The following TRRAP variants were observed in gnomAD, a reference collection of about 807,000 sequenced individuals.
The protein encoded by TRRAP is transformation/transcription domain associated protein.
A neutral mutation model predicts 438.8 loss-of-function variants in TRRAP; 41 were observed. That is an observed-to-expected ratio of 0.09 (90% confidence interval 0.07 to 0.12). TRRAP has a LOEUF of 0.12. TRRAP is among the 10% of genes least tolerant of loss of function. The pLI is 1.00. For missense variants in TRRAP, 3,122 were observed against 5,055.1 expected (o/e 0.62, Z 11.60); for synonymous variants, 1,994 against 1,962.9 (o/e 1.02, Z -0.42).
chr7:98,942,126 G>T (rs1040978949), intron 30 of TRRAP, among the ~76,000 whole-genome samples: 2 of 152,212 alleles, frequency 1.3e-5, no homozygotes, highest in Non-Finnish European at 2.9e-5. Context: ...ACAGAGGCTG[G>T]AGCCTGGCTA....
At chr7:98,895,165 C>T (rs908788281) in intron 6 of TRRAP, among the ~76,000 whole-genome samples, 4 of 152,122 alleles carry the variant, frequency 2.6e-5, no homozygotes, top group South Asian at 4.1e-4. Context: ...CTTGGCCTCC[C>T]GAAGTGTCAG....
intron 31 of TRRAP, among the ~76,000 whole-genome samples, chr7:98,945,498 A>G (rs1791009717): frequency 6.6e-6 from 1 of 152,216 alleles, no homozygotes; most frequent in African/African-American, 2.4e-5. Context: ...CTGAAACCCT[A>G]TTTTGAAAAC....
At chr7:98,951,325 C>CA (rs1229167007) in intron 39 of TRRAP, among the ~76,000 whole-genome samples, 1 of 152,146 alleles carries the variant, frequency 6.6e-6, no homozygotes, top group East Asian at 1.9e-4. Flanking sequence ...TGCCGGTCAG[C>CA]AGAGTTTCTG....
intron 6 of TRRAP, 28 bp from the exon 7 acceptor site, chr7:98,895,736 C>T (rs1796168584): frequency 3.8e-6 from 6 of 1,569,628 alleles, no homozygotes; most frequent in Admixed American, 1.8e-5. Context: ...GAATATCTTC[C>T]TATAACGAAA....
chr7:98,985,355 A>G (rs1793103126), intron 62 of TRRAP, among the ~76,000 whole-genome samples: 1 of 152,200 alleles, frequency 6.6e-6, no homozygotes, highest in African/African-American at 2.4e-5. Context: ...TTTTGTGGAG[A>G]TGATTCCTGC....
At chr7:98,882,935 A>G (rs552572545) in intron 3 of TRRAP, among the ~76,000 whole-genome samples, 1 of 152,376 alleles carries the variant, frequency 6.6e-6, no homozygotes, top group East Asian at 1.9e-4. Context: ...CTGGGATTAC[A>G]GGCATGGGCC....
rs1459103467 is a variant in TRRAP, at chr7:98,983,475, C to T, written c.9022+16C>T. The T allele has an allele frequency of 6.2e-7, 1 of 1,613,750 alleles. No individual in the cohort carries two copies. Among genetic ancestry groups the T allele is most frequent in the Admixed American group, 1.7e-5 (1 of 59,998 alleles). Reference sequence around the variant, plus strand: ...CATTACCAGGGTAAACCGACCTGGTCCGGCATGCATTCATCATGTAATTTT... The same window carrying T: ...CATTACCAGGGTAAACCGACCTGGTTCGGCATGCATTCATCATGTAATTTT... On this transcript the variant is annotated intron_variant, in intron 60 of 72. Transcript: ENST00000456197.
chr7:98,922,889 A>C (rs1233915712), intron 21 of TRRAP, among the ~76,000 whole-genome samples: 1 of 152,086 alleles, frequency 6.6e-6, no homozygotes, highest in African/African-American at 2.4e-5. Flanking sequence ...TTTGTAGAAG[A>C]CGTGTGCCCA....
intron 27 of TRRAP, among the ~76,000 whole-genome samples, chr7:98,934,982 GTGAA>G (rs1790492836): frequency 1.3e-5 from 2 of 152,112 alleles, no homozygotes; most frequent in African/African-American, 4.8e-5. Context: ...TTTCCAGGAT[GTGAA>G]TGAAGAGAAG....
intron 62 of TRRAP, 129 bp from the exon 63 acceptor site, chr7:98,988,636 G>A (rs1174921460): frequency 4.7e-6 from 5 of 1,069,032 alleles, no homozygotes; most frequent in Non-Finnish European, 6.7e-6. Context: ...CTGCTTATGG[G>A]GCGGTTGCAC....
chr7:98,999,001 CGGG>C (rs1698352549), intron 67 of TRRAP: 1 of 654,942 alleles, frequency 1.5e-6, no homozygotes, highest in Non-Finnish European at 2.7e-6. Flanking sequence ...CCCCCACAGG[CGGG>C]GGCAGCACAC....
intron 18 of TRRAP, among the ~76,000 whole-genome samples, chr7:98,913,681 T>C (rs984686336): frequency 2.6e-5 from 4 of 152,282 alleles, no homozygotes; most frequent in African/African-American, 9.6e-5. Flanking sequence ...CCCCTTTAAA[T>C]AAAAAATTCT....
At chr7:98,911,587 T>G (rs1326886106) in intron 17 of TRRAP, among the ~76,000 whole-genome samples, 1 of 151,932 alleles carries the variant, frequency 6.6e-6, no homozygotes, top group African/African-American at 2.4e-5. Context: ...GCAACAATGG[T>G]GAAACCCATC....
chr7:98,909,661 C>G (rs185840558), intron 14 of TRRAP, among the ~76,000 whole-genome samples: 1 of 152,274 alleles, frequency 6.6e-6, no homozygotes, highest in East Asian at 1.9e-4. Flanking sequence ...GGGGTGGTGG[C>G]GGGGCCCTGT....
intron 22 of TRRAP, among the ~76,000 whole-genome samples, chr7:98,925,859 G>C (rs1790026185): frequency 6.6e-6 from 1 of 152,220 alleles, no homozygotes. Flanking sequence ...ACATTGAAGA[G>C]AGAGGAGTCA....
At position 98,956,118 on chromosome 7, in the gene TRRAP, C is replaced by CT. The variant is rs3214240; in HGVS notation, c.5938-28_5938-27insT. The CT allele has an allele frequency of 2.4e-4, 388 of 1,601,230 alleles. 1 individual carries two copies. The highest frequency in any genetic ancestry group is 2.5e-4 in the Admixed American group (15 of 59,656). The stretch of plus-strand genomic sequence containing the variant: ...ACTGTGGGACCAAGCTCCCATGTTC[C>CT]GGCGTGATGCTGGCCCTGCGTCCGC... On this transcript the variant is annotated intron_variant, in intron 41 of 72. Transcript: ENST00000456197. The surrounding 1 kb of genome is among the most constrained non-coding windows in gnomAD (Gnocchi z 4.5).
At chr7:98,936,507 G>A (rs1790563929) in intron 28 of TRRAP, among the ~76,000 whole-genome samples, 1 of 152,176 alleles carries the variant, frequency 6.6e-6, no homozygotes, top group African/African-American at 2.4e-5. Flanking sequence ...GAAGGTTGAG[G>A]TGTGTCTCCT....
In TRRAP at chr7:98,962,385, A is replaced by G. The variant is rs1791939769; in HGVS notation, c.6787A>G (p.Asn2263Asp). The G allele has an allele frequency of 6.2e-7, 1 of 1,614,104 alleles. No homozygotes were observed. The highest frequency in any genetic ancestry group is 1.3e-5 in the African/African-American group (1 of 74,926). ...VGKVIYEGLTNYEKATNANPS... is the reference protein window; with the variant it reads ...VGKVIYEGLTDYEKATNANPS... ...AAAGGTCATCTATGAAGGGCTCACCAACTACGAGAAGGCCACCAATGCCAA... is the reference window on the plus strand; with the variant it reads ...AAAGGTCATCTATGAAGGGCTCACCGACTACGAGAAGGCCACCAATGCCAA... Residue 2263 changes from asparagine to aspartate, a missense_variant, in exon 47 of 73, where the codon AAC becomes GAC. Physicochemically the swap from Asn to Asp is conservative, Grantham distance 23. Transcript: ENST00000456197.
intron 49 of TRRAP, among the ~76,000 whole-genome samples, chr7:98,966,107 C>A (rs1022277968): frequency 1.3e-5 from 2 of 152,018 alleles, no homozygotes; most frequent in Non-Finnish European, 2.9e-5. Flanking sequence ...GAGATTGAGA[C>A]CGTCCTGGCT....
Sources: gnomAD v4.1 joint callset for allele counts (sites outside exome capture counted in the v4.1 genomes callset) on GRCh38, gnomAD v4.1.1 for gene constraint, Gnocchi (gnomAD v3.1) non-coding constraint, MANE v1.5 for transcripts, NCBI Gene and HGNC (gene_info 2026-07-23, HGNC 2026-07-21) for gene names.